IGF1: variants seen among roughly 807,000 people sequenced by gnomAD.
The protein encoded by IGF1 is insulin like growth factor 1, also known as insulin-like growth factor 1.
In IGF1, 4 loss-of-function variants were observed where a neutral mutation model predicts 13.8. That is an observed-to-expected ratio of 0.29 (90% CI 0.14 to 0.66). IGF1 has a LOEUF of 0.66. Ranked by LOEUF, IGF1 falls within the 30% of genes least tolerant of loss-of-function variation. IGF1 has a pLI of 0.78. For missense variants in IGF1, 124 were observed against 188.5 expected, an observed-to-expected ratio of 0.66 and a Z score of 2.00; for synonymous variants, 76 against 72.6, an observed-to-expected ratio of 1.05 and a Z score of -0.23.
At chr12:102,475,295 C>A (rs368161504) in intron 2 of IGF1, among the ~76,000 whole-genome samples, 1 of 151,986 alleles carries the variant, frequency 6.6e-6, no homozygotes, top group African/African-American at 2.4e-5. Flanking sequence ...TTTATATGTG[C>A]GCCCATAGGT....
intron 2 of IGF1, among the ~76,000 whole-genome samples, chr12:102,427,954 T>C (rs553126074): frequency 6.6e-6 from 1 of 152,092 alleles, no homozygotes; most frequent in East Asian, 1.9e-4. Context: ...GTATCAACAG[T>C]GTTGTTCTTG....
chr12:102,437,220 C>G (rs1417255936), intron 2 of IGF1, among the ~76,000 whole-genome samples: 1 of 152,216 alleles, frequency 6.6e-6, no homozygotes, highest in African/African-American at 2.4e-5. Context: ...GTCTCCCTGG[C>G]CTCCCTAGCA....
At chr12:102,450,009 G>A (rs1006192485) in intron 2 of IGF1, among the ~76,000 whole-genome samples, 4 of 152,066 alleles carry the variant, frequency 2.6e-5, no homozygotes, top group East Asian at 1.9e-4. Context: ...CATGTTAAAC[G>A]TGAGGTTACG....
Position 102,399,367 on chromosome 12 carries a change from A to T in IGF1, c.*3140T>A, listed in dbSNP as rs1022708963. 2 of 152,526 alleles carry T rather than the reference A, an allele frequency of 1.3e-5. No individual in the cohort carries two copies. Among genetic ancestry groups the T allele is most frequent in the Admixed American group, 1.3e-4 (2 of 15,268 alleles). The allele number at this position is 152,526 out of a possible 1,614,324, so 9.4% of individuals were successfully genotyped here. The stretch of plus-strand genomic sequence containing the variant: ...TATGAGTTGAAAGCTCATTCTTACC[A>T]ATGTTTACTGTTCTTTTACAAATAT... On this transcript the variant is annotated 3_prime_UTR_variant, in exon 4 of 4. Coordinates refer to ENST00000337514, the MANE Select transcript of IGF1 (RefSeq NM_000618.5).
At chr12:102,428,950 T>C (rs2137039428) in intron 2 of IGF1, among the ~76,000 whole-genome samples, 1 of 152,340 alleles carries the variant, frequency 6.6e-6, no homozygotes, top group East Asian at 1.9e-4. Flanking sequence ...GGACATCATC[T>C]ATGCCATTGG....
intron 2 of IGF1, among the ~76,000 whole-genome samples, chr12:102,431,049 C>T (rs562128268): frequency 1.4e-4 from 21 of 152,286 alleles, no homozygotes; most frequent in African/African-American, 3.9e-4. Flanking sequence ...AGCTCCCCAG[C>T]CTTCTCATCT....
chr12:102,430,305 C>G (rs1230128960), intron 2 of IGF1, among the ~76,000 whole-genome samples: 1 of 152,182 alleles, frequency 6.6e-6, no homozygotes, highest in African/African-American at 2.4e-5. Flanking sequence ...CAATGGGAAG[C>G]CTCTTCCCTT....
chr12:102,480,935 T>C (rs1015646940), upstream of IGF1, among the ~76,000 whole-genome samples: 1 of 152,170 alleles, frequency 6.6e-6, no homozygotes, highest in Non-Finnish European at 1.5e-5. Flanking sequence ...TTTTAGATTC[T>C]AGAGCAAATG....
intron 3 of IGF1, among the ~76,000 whole-genome samples, chr12:102,404,097 T>C (rs1873928423): frequency 6.6e-6 from 1 of 152,220 alleles, no homozygotes; most frequent in Admixed American, 6.5e-5. Context: ...ACTTCTTTTT[T>C]TGGTTTTATC....
chr12:102,481,480 G>A (rs1193838361), upstream of IGF1, among the ~76,000 whole-genome samples: 8 of 151,824 alleles, frequency 5.3e-5, no homozygotes, highest in Admixed American at 5.3e-4. Flanking sequence ...ATACCCTCTC[G>A]AGGGTTATGA....
intron 3 of IGF1, among the ~76,000 whole-genome samples, chr12:102,411,217 C>T (rs984364182): frequency 6.6e-6 from 1 of 152,148 alleles, no homozygotes; most frequent in African/African-American, 2.4e-5. Flanking sequence ...TCTAGTCTTC[C>T]AGTGCCTCAC....
chr12:102,433,916 C>A (rs987080177), intron 2 of IGF1, among the ~76,000 whole-genome samples: 12 of 152,260 alleles, frequency 7.9e-5, no homozygotes, highest in Middle Eastern at 3.4e-3. Flanking sequence ...CAGCTTGTGG[C>A]ACAGAGCAAG....
rs1055329268 is a variant in IGF1, at chr12:102,396,286, A to G, written c.*6221T>C. 4 of 152,224 alleles carry G rather than the reference A, an allele frequency of 2.6e-5. No homozygotes were observed. The highest frequency in any genetic ancestry group is 9.6e-5 in the African/African-American group (4 of 41,468). 9.4% of individuals were successfully genotyped at this position (152,224 alleles called of 1,614,324 possible). On this transcript the variant is annotated 3_prime_UTR_variant, in exon 4 of 4. Transcript: ENST00000337514. ...TAGTTCATTAACTCTTTTACCAAAA[A>G]GATCTGACATGGTATTTGGGGCCTT...
chr12:102,418,773 T>C (rs1195013288), intron 3 of IGF1, among the ~76,000 whole-genome samples: 17 of 152,260 alleles, frequency 1.1e-4, no homozygotes, highest in Admixed American at 1.1e-3. Context: ...AGATGTTTTA[T>C]GTACTACTGA....
At chr12:102,445,823 G>C (rs1878269448) in intron 2 of IGF1, among the ~76,000 whole-genome samples, 1 of 152,186 alleles carries the variant, frequency 6.6e-6, no homozygotes. Flanking sequence ...TTTTCAAAGG[G>C]AGTGCTTCCA....
At chr12:102,425,613 A>C (rs1391823973) in intron 2 of IGF1, among the ~76,000 whole-genome samples, 1 of 152,250 alleles carries the variant, frequency 6.6e-6, no homozygotes, top group Non-Finnish European at 1.5e-5. Flanking sequence ...TTGGAAGCCC[A>C]AGTCAAGAGC....
At chr12:102,466,324 G>A (rs540667378) in intron 2 of IGF1, among the ~76,000 whole-genome samples, 8 of 152,266 alleles carry the variant, frequency 5.3e-5, no homozygotes, top group Non-Finnish European at 1.2e-4. Flanking sequence ...CTCTTCTGGA[G>A]ACTTGTCTAG....
At chr12:102,461,129 C>G (rs992117826) in intron 2 of IGF1, among the ~76,000 whole-genome samples, 2 of 152,090 alleles carry the variant, frequency 1.3e-5, no homozygotes, top group African/African-American at 4.8e-5. Context: ...ATCCAAAGGC[C>G]CCCCTTTCTT....
At chr12:102,435,852 C>T (rs1316543892) in intron 2 of IGF1, among the ~76,000 whole-genome samples, 2 of 152,198 alleles carry the variant, frequency 1.3e-5, no homozygotes, top group East Asian at 3.8e-4. Context: ...GTTGCTGTTT[C>T]AACAGGTACT....
Sources: gnomAD v4.1 joint callset for allele counts (sites outside exome capture counted in the v4.1 genomes callset) on GRCh38, gnomAD v4.1.1 for gene constraint, MANE v1.5 for transcripts, NCBI Gene and HGNC (gene_info 2026-07-23, HGNC 2026-07-21) for gene names.